Variants in VAMP4 observed in about 807,000 individuals in gnomAD.
The protein encoded by VAMP4 is vesicle associated membrane protein 4.
VAMP4 carries 19 observed loss-of-function variants against 23.5 expected under a neutral mutation model. The ratio of observed to expected loss-of-function variants is 0.81; its 90% CI spans 0.56 to 1.19. The LOEUF (loss-of-function observed/expected upper bound fraction) is 1.19. Ranked by LOEUF, VAMP4 falls within the 50% of genes most tolerant of loss-of-function variation. The probability of loss-of-function intolerance (pLI) is 0.00; values close to 1 mark genes in which losing one functional copy is unlikely to be tolerated. For missense variants in VAMP4, 145 were observed against 168.6 expected, an observed-to-expected ratio of 0.86 and a Z score of 0.78; for synonymous variants, 31 against 51.0, an observed-to-expected ratio of 0.61 and a Z score of 1.67.
At chr1:171,712,763 C>A (rs906736053) in intron 4 of VAMP4, among the ~76,000 whole-genome samples, 1 of 152,180 alleles carries the variant, frequency 6.6e-6, no homozygotes, top group African/African-American at 2.4e-5. Flanking sequence ...GGCACAAATA[C>A]ACAACTAATC....
In VAMP4 at chr1:171,708,160, G is replaced by A. The variant is rs781289248; in HGVS notation, c.345+1505C>T. Among the ~76,000 whole-genome samples the A allele has an allele frequency of 3.3e-5, 5 of 151,636 alleles. No homozygotes were observed. In the South Asian group the frequency reaches 1.0e-3, roughly 32 times the overall value. ...CTAAAAATACAAAAATTAGCCAGGT[G>A]TGGTGGTGCATGCCTGTAATTCCAG... On this transcript the variant is annotated intron_variant, in intron 6 of 7. Transcript: ENST00000236192.
At position 171,701,412 on chromosome 1, in the gene VAMP4, G is replaced by C. The variant is rs1654429497; in HGVS notation, c.*3094C>G. 6.6e-6 allele frequency: 1 copy of C among 152,182 alleles called. No individual in the cohort carries two copies. The highest frequency in any genetic ancestry group is 6.5e-5 in the Admixed American group (1 of 15,270). The allele number at this position is 152,182 out of a possible 1,614,324, so 9.4% of individuals were successfully genotyped here. A position where few individuals can be genotyped will look rare whatever the true frequency, so the allele number is the denominator to read the frequency against. On this transcript the variant is annotated 3_prime_UTR_variant, in exon 8 of 8. Coordinates refer to ENST00000236192, the MANE Select transcript of VAMP4 (RefSeq NM_003762.5). ...ATACAGATGTAAATACAGAGTCAAT[G>C]TGTGCAATGATGCTGACAAGGCATC...
chr1:171,701,177 T>C lies in VAMP4; in HGVS notation c.*3329A>G, dbSNP rs1227112316. 6.6e-6 allele frequency: 1 copy of C among 152,134 alleles called. No homozygotes were observed. Among genetic ancestry groups the C allele is most frequent in the Non-Finnish European group, 1.5e-5 (1 of 68,020 alleles). The allele number at this position is 152,134 out of a possible 1,614,324, so 9.4% of individuals were successfully genotyped here. ...CTACATTCTAAAACAAACTTGTAAA[T>C]GCTTTCAAACTGACTTATGCTCTTA... On this transcript the variant is annotated 3_prime_UTR_variant, in exon 8 of 8. Coordinates refer to ENST00000236192, the MANE Select transcript of VAMP4 (RefSeq NM_003762.5).
At chr1:171,728,637 A>T in intron 2 of VAMP4, 67 bp from the exon 3 acceptor site, 2 of 1,469,706 alleles carry the variant, frequency 1.4e-6, no homozygotes, top group Non-Finnish European at 1.8e-6. Flanking sequence ...ACAGAGGAGT[A>T]ATGAAATAAG....
At chr1:171,735,209 A>G (rs1655700994) in intron 2 of VAMP4, among the ~76,000 whole-genome samples, 1 of 152,236 alleles carries the variant, frequency 6.6e-6, no homozygotes, top group African/African-American at 2.4e-5. Context: ...TTCAGCAGTG[A>G]TTGTGAGAAA....
In VAMP4 at chr1:171,703,012, C is replaced by T. The variant is rs1654500805; in HGVS notation, c.*1494G>A. On this transcript the variant is annotated 3_prime_UTR_variant, in exon 8 of 8. Coordinates refer to ENST00000236192, the MANE Select transcript of VAMP4 (RefSeq NM_003762.5). ...AGAATTTTAAAAACAGACAAAAAAA[C>T]ACCAAACCCAGATTCTATGCTTTAT... The T allele has an allele frequency of 6.6e-6, 1 of 151,838 alleles. No individual in the cohort carries two copies. The highest frequency in any genetic ancestry group is 1.5e-5 in the Non-Finnish European group (1 of 67,826). The allele number at this position is 151,838 out of a possible 1,614,324, so 9.4% of individuals were successfully genotyped here. A position where few individuals can be genotyped will look rare whatever the true frequency, so the allele number is the denominator to read the frequency against.
intron 1 of VAMP4, 29 bp downstream of exon 1, chr1:171,741,881 T>TCC (rs1250231688): frequency 7.1e-6 from 1 of 140,092 alleles, no homozygotes; most frequent in Non-Finnish European, 1.6e-5. Flanking sequence ...CACCAGCCCC[T>TCC]CCCGCTGCGA....
At chr1:171,710,263 A>C (rs1212635161) in intron 5 of VAMP4, among the ~76,000 whole-genome samples, 3 of 151,736 alleles carry the variant, frequency 2.0e-5, no homozygotes, top group Non-Finnish European at 2.9e-5. Context: ...TTGAGTGGCA[A>C]GTACGTGCCA....
In VAMP4 at chr1:171,710,115, G is replaced by A. The variant is rs114490792; in HGVS notation, c.266-371C>T. On this transcript the variant is annotated intron_variant, in intron 5 of 7. Transcript: ENST00000236192. ...AAAAAAATTACATGTTGAGAAGTTA[G>A]CTTCTTAGAAGATATCAAAAGTGAC... is the stretch of plus-strand genomic sequence containing the variant. Among the ~76,000 whole-genome samples the A allele has an allele frequency of 7.2e-3, 1,085 of 151,164 alleles. 15 individuals carry two copies. Among genetic ancestry groups the A allele is most frequent in the African/African-American group, 0.025 (1,036 of 41,326 alleles).
chr1:171,722,884 A>C (rs576325647), intron 3 of VAMP4, among the ~76,000 whole-genome samples: 3 of 152,262 alleles, frequency 2.0e-5, no homozygotes, highest in African/African-American at 7.2e-5. Context: ...ATACCATTTG[A>C]CCCAGCCATC....
chr1:171,707,740 G>A (rs1439803509), intron 6 of VAMP4, among the ~76,000 whole-genome samples: 1 of 152,026 alleles, frequency 6.6e-6, no homozygotes, highest in Non-Finnish European at 1.5e-5. Flanking sequence ...GGTCCCCAGA[G>A]GTTCTCAAGG....
At position 171,700,945 on chromosome 1, in the gene VAMP4, T is replaced by C. The variant is rs1402406588; in HGVS notation, c.*3561A>G. The stretch of plus-strand genomic sequence containing the variant: ...AAACAGAAGCCAGAATAAATGCATT[T>C]GTATTCCCATCCCTAATTCTACTTG... On this transcript the variant is annotated 3_prime_UTR_variant, in exon 8 of 8. Transcript: ENST00000236192. 6.6e-6 allele frequency: 1 copy of C among 152,090 alleles called. No individual in the cohort carries two copies. 9.4% of individuals were successfully genotyped at this position (152,090 alleles called of 1,614,324 possible).
intron 3 of VAMP4, among the ~76,000 whole-genome samples, chr1:171,723,626 T>C (rs185576275): frequency 2.9e-3 from 443 of 152,336 alleles, no homozygotes; most frequent in African/African-American, 0.01. Context: ...CTGTTCTTTT[T>C]TCAAGGTGAC....
At chr1:171,717,298 G>A (rs1655051070) in intron 4 of VAMP4, among the ~76,000 whole-genome samples, 1 of 152,176 alleles carries the variant, frequency 6.6e-6, no homozygotes, top group Admixed American at 6.5e-5. Flanking sequence ...TTCTGGCTCA[G>A]TGCAGGAGAA....
At chr1:171,720,735 A>T (rs1277305309) in intron 3 of VAMP4, among the ~76,000 whole-genome samples, 1 of 152,042 alleles carries the variant, frequency 6.6e-6, no homozygotes, top group Non-Finnish European at 1.5e-5. Flanking sequence ...CATTTAATGA[A>T]GAAAAAATAA....
chr1:171,723,359 A>G (rs1377516762), intron 3 of VAMP4, among the ~76,000 whole-genome samples: 2 of 152,142 alleles, frequency 1.3e-5, no homozygotes, highest in African/African-American at 4.8e-5. Flanking sequence ...TCCTCGTTCT[A>G]ATAGGCCTGG....
At chr1:171,706,930 C>T (rs974285254) in intron 6 of VAMP4, among the ~76,000 whole-genome samples, 1 of 152,140 alleles carries the variant, frequency 6.6e-6, no homozygotes, top group African/African-American at 2.4e-5. Flanking sequence ...GGTAGTTTTT[C>T]AACTTTACCT....
At chr1:171,721,953 C>A (rs1459687764) in intron 3 of VAMP4, among the ~76,000 whole-genome samples, 1 of 152,158 alleles carries the variant, frequency 6.6e-6, no homozygotes, top group African/African-American at 2.4e-5. Flanking sequence ...CCAAGACAAT[C>A]CTAAGCCAAA....
chr1:171,719,116 A>G, intron 4 of VAMP4, 55 bp downstream of exon 4: 7 of 1,537,090 alleles, frequency 4.6e-6, no homozygotes, highest in South Asian at 1.2e-5. Context: ...CAGTTTGCCA[A>G]TCTCTAGTCT....
Sources: gnomAD v4.1 joint callset for allele counts (sites outside exome capture counted in the v4.1 genomes callset) on GRCh38, gnomAD v4.1.1 for gene constraint, MANE v1.5 for transcripts, NCBI Gene and HGNC (gene_info 2026-07-23, HGNC 2026-07-21) for gene names.